The following ZBTB20 variants were observed in gnomAD, a reference collection of about 807,000 sequenced individuals.
The protein encoded by ZBTB20 is zinc finger and BTB domain-containing protein 20.
Under a neutral mutation model 56.9 loss-of-function variants are expected in ZBTB20, and 9 were observed. The ratio of observed to expected loss-of-function variants is 0.16; its 90% CI spans 0.10 to 0.28. The LOEUF (loss-of-function observed/expected upper bound fraction) is 0.28. ZBTB20 is among the 10% of genes least tolerant of loss of function. The probability of loss-of-function intolerance (pLI) is 1.00; values close to 1 mark genes in which losing one functional copy is unlikely to be tolerated. For synonymous variants in ZBTB20, 417 were observed against 420.7 expected (o/e 0.99, Z 0.11); for missense variants, 655 against 1,003.0 (o/e 0.65, Z 4.69).
At chr3:114,675,563 G>C (rs1330618965) in intron 6 of ZBTB20, among the ~76,000 whole-genome samples, 3 of 152,060 alleles carry the variant, frequency 2.0e-5, no homozygotes, top group Non-Finnish European at 4.4e-5. Flanking sequence ...TCTTAAGGAG[G>C]CTAACAGAAA....
intron 3 of ZBTB20, among the ~76,000 whole-genome samples, chr3:114,957,232 G>A (rs2077276840): frequency 6.6e-6 from 1 of 152,112 alleles, no homozygotes; most frequent in African/African-American, 2.4e-5. Context: ...CTCTAAAACA[G>A]TGTTTCTCAA....
chr3:114,689,090 C>T (rs987641272), intron 6 of ZBTB20, among the ~76,000 whole-genome samples: 4 of 152,152 alleles, frequency 2.6e-5, no homozygotes, highest in African/African-American at 9.7e-5. Flanking sequence ...AATGAGCTGA[C>T]TACAGAACCA....
chr3:114,338,934 C>A lies in ZBTB20; in HGVS notation c.*71G>T. 7.0e-7 allele frequency: 1 copy of A among 1,430,536 alleles called. No homozygotes were observed. Among genetic ancestry groups the A allele is most frequent in the Non-Finnish European group, 9.3e-7 (1 of 1,077,842 alleles). The allele number at this position is 1,430,536 out of a possible 1,614,324, so 88.6% of individuals were successfully genotyped here. A position where few individuals can be genotyped will look rare whatever the true frequency, so the allele number is the denominator to read the frequency against. Reference sequence around the variant, plus strand: ...CAAAACATTTCTTAAATTCTAGTGCCATAGCTTTTTTGTTTGTTTGTTTTT... The same window carrying A: ...CAAAACATTTCTTAAATTCTAGTGCAATAGCTTTTTTGTTTGTTTGTTTTT... On this transcript the variant is annotated 3_prime_UTR_variant, in exon 12 of 12. Coordinates refer to ENST00000675478, the MANE Select transcript of ZBTB20 (RefSeq NM_001348800.3).
At chr3:114,984,629 C>T (rs1307473505) in intron 2 of ZBTB20, among the ~76,000 whole-genome samples, 2 of 152,048 alleles carry the variant, frequency 1.3e-5, no homozygotes, top group Non-Finnish European at 1.5e-5. Flanking sequence ...TTATTTCTAT[C>T]AAGACACCTA....
intron 5 of ZBTB20, among the ~76,000 whole-genome samples, chr3:114,694,807 G>T (rs910799920): frequency 1.3e-5 from 2 of 152,028 alleles, no homozygotes; most frequent in African/African-American, 4.8e-5. Context: ...CCCCTAAAAA[G>T]AACCTCTAGG....
intron 2 of ZBTB20, among the ~76,000 whole-genome samples, chr3:115,066,060 G>C (rs1274391817): frequency 2.6e-5 from 4 of 152,120 alleles, no homozygotes; most frequent in Non-Finnish European, 5.9e-5. Flanking sequence ...ACTCTCCCAT[G>C]AAACTCATTC....
chr3:114,941,232 C>T (rs924987109), intron 3 of ZBTB20, among the ~76,000 whole-genome samples: 1 of 145,816 alleles, frequency 6.9e-6, no homozygotes, highest in African/African-American at 2.8e-5. Flanking sequence ...CAGTTTTTAC[C>T]TTGGGAAAAG....
At chr3:114,858,443 C>T (rs942560338) in intron 4 of ZBTB20, among the ~76,000 whole-genome samples, 7 of 151,906 alleles carry the variant, frequency 4.6e-5, no homozygotes, top group African/African-American at 1.5e-4. Context: ...ACATGATTGT[C>T]GAAAGCTTGT....
At chr3:114,864,353 G>A (rs941170232) in intron 4 of ZBTB20, among the ~76,000 whole-genome samples, 6 of 151,808 alleles carry the variant, frequency 4.0e-5, no homozygotes, top group Non-Finnish European at 8.8e-5. Context: ...ATTTCTTATT[G>A]TATTGTACCT....
intron 4 of ZBTB20, among the ~76,000 whole-genome samples, chr3:114,874,945 G>A (rs1269027193): frequency 6.6e-6 from 1 of 152,110 alleles, no homozygotes; most frequent in Non-Finnish European, 1.5e-5. Flanking sequence ...TGCTACAGGG[G>A]GGAGGAGCTT....
intron 2 of ZBTB20, among the ~76,000 whole-genome samples, chr3:115,008,975 G>A (rs900737289): frequency 6.6e-6 from 1 of 151,756 alleles, no homozygotes; most frequent in Non-Finnish European, 1.5e-5. Context: ...GTAAAACCTT[G>A]TCAATCTGAT....
chr3:115,115,983 T>C (rs1432097829), intron 1 of ZBTB20, among the ~76,000 whole-genome samples: 1 of 152,120 alleles, frequency 6.6e-6, no homozygotes, highest in African/African-American at 2.4e-5. Context: ...TTGTTCTTAC[T>C]TTATAATGTA....
At chr3:114,692,800 A>G (rs1048954168) in intron 6 of ZBTB20, among the ~76,000 whole-genome samples, 2 of 152,176 alleles carry the variant, frequency 1.3e-5, no homozygotes, top group African/African-American at 4.8e-5. Context: ...AATCTTTTTG[A>G]AACTTTACAA....
chr3:115,004,033 T>G (rs1351929313), intron 2 of ZBTB20, among the ~76,000 whole-genome samples: 1 of 151,704 alleles, frequency 6.6e-6, no homozygotes, highest in Non-Finnish European at 1.5e-5. Flanking sequence ...AAATTAATGC[T>G]ACTGTCAGGA....
intron 4 of ZBTB20, among the ~76,000 whole-genome samples, chr3:114,851,476 T>C (rs1579158425): frequency 6.6e-6 from 1 of 152,250 alleles, no homozygotes; most frequent in South Asian, 2.1e-4. Context: ...AAGTATTCAT[T>C]ATAATCATTT....
chr3:114,409,098 T>C (rs1358544214), intron 7 of ZBTB20, among the ~76,000 whole-genome samples: 2 of 145,198 alleles, frequency 1.4e-5, no homozygotes, highest in Non-Finnish European at 3.0e-5. Flanking sequence ...TTTATTCAAA[T>C]CTTCTAAGAG....
chr3:115,106,086 G>C (rs916991595), intron 1 of ZBTB20, among the ~76,000 whole-genome samples: 1 of 151,194 alleles, frequency 6.6e-6, no homozygotes, highest in Non-Finnish European at 1.5e-5. Flanking sequence ...AAAGTGCTGG[G>C]ATTACAGGCG....
rs753535755 is a variant in ZBTB20, at chr3:114,351,292, G to A, written c.786C>T (p.Tyr262=). 3 of 1,604,358 alleles carry A rather than the reference G, an allele frequency of 1.9e-6. No individual in the cohort carries two copies. Among genetic ancestry groups the A allele is most frequent in the Middle Eastern group, 1.6e-4 (1 of 6,080 alleles). Reference sequence around the variant, plus strand: ...CGTGGTGGCTGACCACTGCGCCGCTGTAAAAAGAGCGCTCGCCGCTGCCAT... The same window carrying A: ...CGTGGTGGCTGACCACTGCGCCGCTATAAAAAGAGCGCTCGCCGCTGCCAT... The part of the protein sequence containing the change: ...MQNGSGERSF[Y]SGAVVSHHET... The change falls in exon 11 of 12, where the codon TAC becomes TAT. Residue 262 remains tyrosine, a synonymous_variant. Transcript: ENST00000675478.
chr3:115,029,457 A>T (rs1294887996), intron 2 of ZBTB20, among the ~76,000 whole-genome samples: 1 of 150,946 alleles, frequency 6.6e-6, no homozygotes, highest in Non-Finnish European at 1.5e-5. Context: ...AACTTTTATT[A>T]GCAGGTTTAA....
Sources: allele counts gnomAD v4.1 joint callset (sites outside exome capture counted in the v4.1 genomes callset), GRCh38; gene constraint gnomAD v4.1.1; transcripts MANE v1.5; gene names NCBI Gene and HGNC (gene_info 2026-07-23, HGNC 2026-07-21).